Variants in PTPRD observed in about 807,000 individuals in gnomAD.
PTPRD encodes the protein receptor-type tyrosine-protein phosphatase delta.
In PTPRD, 34 loss-of-function variants were observed where a neutral mutation model predicts 214.5. The observed-to-expected ratio is 0.16, with a 90% CI of 0.12 to 0.21. The LOEUF is 0.21. Among genes scored for constraint, PTPRD ranks in the 10% least tolerant of loss-of-function variants. The pLI, the probability that PTPRD is intolerant of heterozygous loss-of-function variation, is 1.00. For missense variants in PTPRD, 2,545 were observed against 2,398.7 expected (o/e 1.06, Z -1.27); for synonymous variants, 1,128 against 845.7 (o/e 1.33, Z -5.79).
chr9:8,900,841 A>C (rs1335775765), intron 11 of PTPRD, among the ~76,000 whole-genome samples: 1 of 152,222 alleles, frequency 6.6e-6, no homozygotes, highest in African/African-American at 2.4e-5. Flanking sequence ...AGATTTCAGC[A>C]ATGCTTTTTA....
intron 14 of PTPRD, among the ~76,000 whole-genome samples, chr9:8,549,875 A>C (rs1030075196): frequency 6.6e-5 from 10 of 152,194 alleles, no homozygotes; most frequent in Admixed American, 6.5e-4. Context: ...AATCAGACAA[A>C]AAGGGTACCA....
At chr9:8,445,684 TA>T (rs979064436) in intron 34 of PTPRD, among the ~76,000 whole-genome samples, 1 of 152,112 alleles carries the variant, frequency 6.6e-6, no homozygotes, top group African/African-American at 2.4e-5. Context: ...AACTACCATT[TA>T]GGGGGAGAAA....
chr9:9,389,257 T>C (rs2064976722), intron 9 of PTPRD, among the ~76,000 whole-genome samples: 1 of 152,218 alleles, frequency 6.6e-6, no homozygotes, highest in South Asian at 2.1e-4. Context: ...ACGCCTGTAA[T>C]TCCACCACCT....
intron 2 of PTPRD, among the ~76,000 whole-genome samples, chr9:10,446,417 C>CT (rs34478548): frequency 0.065 from 6,061 of 92,950 alleles, 250 homozygotes; most frequent in African/African-American, 0.13. Context: ...CTATTTTTTT[C>CT]TTTTTTTTTT....
intron 2 of PTPRD, among the ~76,000 whole-genome samples, chr9:10,376,753 T>A (rs546508180): frequency 6.6e-6 from 1 of 151,968 alleles, no homozygotes; most frequent in Non-Finnish European, 1.5e-5. Context: ...GTTATGTTTT[T>A]ATTTTTTAAT....
At chr9:9,566,575 G>A (rs1322783860) in intron 8 of PTPRD, among the ~76,000 whole-genome samples, 1 of 151,706 alleles carries the variant, frequency 6.6e-6, no homozygotes, top group Non-Finnish European at 1.5e-5. Flanking sequence ...AATAAAACCT[G>A]GATGTTTTAT....
rs78732047 is a variant in PTPRD at position 9,606,703 on chromosome 9, A to G, written c.-286-31922T>C. Among the ~76,000 whole-genome samples the G allele has an allele frequency of 7.1e-3, 1,083 of 152,062 alleles. 12 individuals are homozygous for G. The highest frequency in any genetic ancestry group is 0.025 in the African/African-American group (1,022 of 41,482). ...TTTATACTACCAACCACCAGGGGGT[A>G]ATAGAATACTCTAAAAACAAGGTCG... On this transcript the variant is annotated intron_variant, in intron 7 of 45. Coordinates refer to ENST00000381196, the MANE Select transcript of PTPRD (RefSeq NM_002839.4).
At chr9:10,037,781 G>T in intron 3 of PTPRD, among the ~76,000 whole-genome samples, 1 of 152,024 alleles carries the variant, frequency 6.6e-6, no homozygotes, top group Non-Finnish European at 1.5e-5. Flanking sequence ...TTAATATCTA[G>T]AAAATAATTC....
chr9:8,880,834 G>C (rs560842727), intron 11 of PTPRD, among the ~76,000 whole-genome samples: 1 of 151,994 alleles, frequency 6.6e-6, no homozygotes, highest in Admixed American at 6.6e-5. Context: ...ATCCAGGCTG[G>C]AGTGCAGTGG....
chr9:9,545,644 T>G (rs187922351), intron 8 of PTPRD, among the ~76,000 whole-genome samples: 64 of 151,948 alleles, frequency 4.2e-4, no homozygotes, highest in Non-Finnish European at 2.5e-4. Flanking sequence ...TATTCCTGAT[T>G]TCTTTATTCT....
rs531527743 is a variant in PTPRD, at chr9:9,495,634, C to T, written c.-237+79098G>A. Among the ~76,000 whole-genome samples the T allele has an allele frequency of 4.6e-5, 7 of 152,236 alleles. No homozygotes were observed. In the East Asian group the frequency reaches 1.4e-3, roughly 29 times the overall value. ...TTAGGGGAAGATGATCTGCCCTTCC[C>T]ATCCCCGCCCCGACTCCCCTCTCTG... On this transcript the variant is annotated intron_variant, in intron 8 of 45. Coordinates refer to ENST00000381196, the MANE Select transcript of PTPRD (RefSeq NM_002839.4).
chr9:9,643,485 A>C (rs1485708609), intron 7 of PTPRD, among the ~76,000 whole-genome samples: 1 of 152,140 alleles, frequency 6.6e-6, no homozygotes, highest in Non-Finnish European at 1.5e-5. Context: ...AGCAGAGTGA[A>C]TCCAAGAAAG....
At chr9:8,811,775 T>A (rs1358146750) in intron 11 of PTPRD, among the ~76,000 whole-genome samples, 1 of 152,226 alleles carries the variant, frequency 6.6e-6, no homozygotes, top group Non-Finnish European at 1.5e-5. Flanking sequence ...TTTCATCTCT[T>A]GCTGTTACTG....
intron 8 of PTPRD, among the ~76,000 whole-genome samples, chr9:9,572,617 CATATATGTAT>C (rs2086866027): frequency 6.9e-6 from 1 of 143,996 alleles, no homozygotes; most frequent in African/African-American, 2.5e-5. Context: ...ATATATCATA[CATATATGTAT>C]ATATATGTAT....
intron 8 of PTPRD, among the ~76,000 whole-genome samples, chr9:9,429,145 T>C (rs2082116370): frequency 6.6e-6 from 1 of 152,060 alleles, no homozygotes; most frequent in South Asian, 2.1e-4. Context: ...ATGAAATTGA[T>C]AGGCAGCTAG....
chr9:8,616,132 T>C (rs1236509399), intron 14 of PTPRD, among the ~76,000 whole-genome samples: 1 of 152,178 alleles, frequency 6.6e-6, no homozygotes, highest in Non-Finnish European at 1.5e-5. Flanking sequence ...TGACACATAA[T>C]TCACTCTACC....
At chr9:10,076,855 C>A (rs916399055) in intron 3 of PTPRD, among the ~76,000 whole-genome samples, 14 of 152,154 alleles carry the variant, frequency 9.2e-5, no homozygotes, top group Admixed American at 8.5e-4. Context: ...TGGTGCTCTA[C>A]GAACATGAAG....
At chr9:9,777,175 G>A (rs1453365868) in intron 5 of PTPRD, among the ~76,000 whole-genome samples, 2 of 152,184 alleles carry the variant, frequency 1.3e-5, no homozygotes, top group African/African-American at 4.8e-5. Flanking sequence ...GTCCTCAGAT[G>A]TTCCTCAATA....
chr9:10,518,680 C>G lies in PTPRD; in HGVS notation c.-600+93718G>C, dbSNP rs564480462. Among the ~76,000 whole-genome samples the G allele has an allele frequency of 3.4e-4, 52 of 151,938 alleles. No individual in the cohort carries two copies. The South Asian group carries it at 9.8e-3, about 29-fold the overall frequency. On this transcript the variant is annotated intron_variant, in intron 2 of 45. Transcript: ENST00000381196. ...CCCAAGTAGCTGGGACTACAGGCGCCCGCCACCACACCCGGCTAATTTTTT... is the reference window on the plus strand; with the variant it reads ...CCCAAGTAGCTGGGACTACAGGCGCGCGCCACCACACCCGGCTAATTTTTT...
Sources: gnomAD v4.1 joint callset for allele counts (sites outside exome capture counted in the v4.1 genomes callset) on GRCh38, gnomAD v4.1.1 for gene constraint, MANE v1.5 for transcripts, NCBI Gene and HGNC (gene_info 2026-07-23, HGNC 2026-07-21) for gene names.